FAT2: variants seen among roughly 807,000 people sequenced by gnomAD.
FAT2 encodes the protein protocadherin Fat 2.
A neutral mutation model predicts 295.3 loss-of-function variants in FAT2; 150 were observed. The observed-to-expected ratio is 0.51, with a 90% CI of 0.44 to 0.58. The LOEUF (loss-of-function observed/expected upper bound fraction) is 0.58, where lower values mean the gene tolerates loss of function less well. FAT2 is among the 20% of genes least tolerant of loss of function. The probability of loss-of-function intolerance (pLI) is 0.00; values close to 1 mark genes in which losing one functional copy is unlikely to be tolerated. For synonymous variants in FAT2, 2,026 were observed against 2,150.3 expected (o/e 0.94, Z 1.60); for missense variants, 4,868 against 5,442.7 (o/e 0.89, Z 3.32).
chr5:151,513,286 A>G (rs968846800), intron 20 of FAT2, among the ~76,000 whole-genome samples: 4 of 152,232 alleles, frequency 2.6e-5, no homozygotes, highest in Non-Finnish European at 4.4e-5. Context: ...ATATAAAGAC[A>G]TACACTCATA....
intron 12 of FAT2, among the ~76,000 whole-genome samples, chr5:151,537,321 GAAA>G (rs759472487): frequency 4.4e-5 from 1 of 22,534 alleles, no homozygotes; most frequent in Non-Finnish European, 7.5e-5. Context: ...AAAAGAAAGA[GAAA>G]AAAAGAAAGA....
chr5:151,549,582 C>T (rs907809397), intron 8 of FAT2, 77 bp from the exon 9 acceptor site: 5 of 1,225,538 alleles, frequency 4.1e-6, no homozygotes, highest in Admixed American at 3.8e-5. Context: ...GGTTAATGAA[C>T]TAGAATGCCA....
intron 1 of FAT2, among the ~76,000 whole-genome samples, chr5:151,569,723 C>T (rs1291052666): frequency 6.6e-6 from 1 of 152,206 alleles, no homozygotes; most frequent in African/African-American, 2.4e-5. Context: ...GAGATAGTCC[C>T]AACTCTTAGC....
intron 1 of FAT2, among the ~76,000 whole-genome samples, chr5:151,576,356 A>G (rs1436441344): frequency 6.6e-6 from 1 of 152,240 alleles, no homozygotes; most frequent in Non-Finnish European, 1.5e-5. Flanking sequence ...GGCCTCAACT[A>G]TTCGTGCATA....
intron 4 of FAT2, 82 bp downstream of exon 4, chr5:151,556,262 C>G (rs771156787): frequency 8.5e-7 from 1 of 1,182,456 alleles, no homozygotes; most frequent in African/African-American, 1.5e-5. Flanking sequence ...CCTCCTCAGC[C>G]ACAGTGCTAG....
At chr5:151,550,919 C>A (rs749659085) in intron 7 of FAT2, 48 bp from the exon 8 acceptor site, 1 of 1,583,284 alleles carries the variant, frequency 6.3e-7, no homozygotes, top group Non-Finnish European at 8.6e-7. Flanking sequence ...CCCAGGGGAA[C>A]AGGGACTGGG....
At chr5:151,556,966 A>G (rs1482761335) in intron 3 of FAT2, among the ~76,000 whole-genome samples, 1 of 152,178 alleles carries the variant, frequency 6.6e-6, no homozygotes, top group Non-Finnish European at 1.5e-5. Flanking sequence ...GAGCTGGGAG[A>G]GAACAGCAGA....
At chr5:151,559,278 A>C (rs1440273594) in intron 3 of FAT2, among the ~76,000 whole-genome samples, 1 of 152,268 alleles carries the variant, frequency 6.6e-6, no homozygotes, top group South Asian at 2.1e-4. Flanking sequence ...TTTGGCGTGC[A>C]AGGGATTGGA....
In FAT2 at chr5:151,566,819, AT is replaced by A; in HGVS notation, c.2112del (p.Tyr705IlefsTer33). ...SSDEEFTSLS[T>X]YQINHYTPQF... ...TGTGGGGTGTAATGATTAATCTGAT[AT>A]GTGCTTAAAGAAGTGAATTCCTCAT... On this transcript the variant is annotated frameshift_variant, in exon 2 of 24. Transcript: ENST00000261800. LOFTEE classifies it high-confidence loss of function. 6.2e-7 allele frequency: 1 copy of A among 1,614,190 alleles called. No homozygotes were observed. The highest frequency in any genetic ancestry group is 8.5e-7 in the Non-Finnish European group (1 of 1,180,026).
In FAT2 at chr5:151,568,161, A is replaced by T. The variant is rs371171712; in HGVS notation, c.771T>A (p.Ala257=). 6.2e-7 allele frequency: 1 copy of T among 1,614,032 alleles called. No individual in the cohort carries two copies. The highest frequency in any genetic ancestry group is 1.3e-5 in the African/African-American group (1 of 74,926). ...TGTCTGGTGGAGTCACCACCACCGA[A>T]GCAATGGCTGGGGGCTTCCTGAGGG... ...EPALRKPPAI[A]SVVVTPPDSN... The change falls in exon 2 of 24, where the codon GCT becomes GCA. Residue 257 remains alanine, a synonymous_variant. Coordinates refer to ENST00000261800, the MANE Select transcript of FAT2 (RefSeq NM_001447.3).
Position 151,527,985 on chromosome 5 carries a change from A to G in FAT2, c.10164+11T>C, listed in dbSNP as rs1754194209. On this transcript the variant is annotated intron_variant, in intron 16 of 23. Transcript: ENST00000261800. ...AATGAGCTCAGGGTGCGCCCCTCCCACATGACTCACCTGTTCCCGGTCCAG... is the reference window on the plus strand; with the variant it reads ...AATGAGCTCAGGGTGCGCCCCTCCCGCATGACTCACCTGTTCCCGGTCCAG... 1 of 1,613,464 alleles carries G rather than the reference A, an allele frequency of 6.2e-7. No homozygotes were observed. Among genetic ancestry groups the G allele is most frequent in the Non-Finnish European group, 8.5e-7 (1 of 1,179,842 alleles).
chr5:151,551,083 C>T (rs1211198828), intron 7 of FAT2, among the ~76,000 whole-genome samples: 1 of 152,150 alleles, frequency 6.6e-6, no homozygotes, highest in Non-Finnish European at 1.5e-5. Flanking sequence ...CAAAAATTTT[C>T]TGGAAGGGCC....
rs1469589444 is a variant in FAT2, at chr5:151,544,002, G to A, written c.7125C>T (p.Asn2375=). The A allele has an allele frequency of 2.5e-6, 4 of 1,614,062 alleles. No homozygotes were observed. In the South Asian group the frequency reaches 3.3e-5, roughly 13 times the overall value. The change falls in exon 10 of 24, where the codon AAC becomes AAT. Residue 2375 remains asparagine (N), a synonymous_variant. Transcript: ENST00000261800. ...VVVNVSDIND[N]PPEFRQPQYE... is the part of the protein sequence containing the mutation. ...ATTGAGGTTGTCTGAACTCTGGGGG[G>A]TTGTCATTGATATCAGACACATTGA... is the stretch of plus-strand genomic sequence containing the variant.
At chr5:151,547,321 C>G (rs1756738958) in intron 9 of FAT2, among the ~76,000 whole-genome samples, 1 of 152,202 alleles carries the variant, frequency 6.6e-6, no homozygotes, top group South Asian at 2.1e-4. Flanking sequence ...TAGAACCCAA[C>G]AGAGGCTTTG....
chr5:151,584,508 G>A (rs1759094514), intron 1 of FAT2, among the ~76,000 whole-genome samples: 1 of 152,190 alleles, frequency 6.6e-6, no homozygotes, highest in East Asian at 1.9e-4. Context: ...CCGCTAGCAA[G>A]TGGCCCGGTC....
Position 151,568,625 on chromosome 5 carries a change from T to C in FAT2, c.307A>G (p.Asn103Asp). 1 of 1,614,174 alleles carries C rather than the reference T, an allele frequency of 6.2e-7. No homozygotes were observed. Among genetic ancestry groups the C allele is most frequent in the Non-Finnish European group, 8.5e-7 (1 of 1,180,012 alleles). Residue 103 changes from asparagine (N) to aspartate (D), a missense_variant, in exon 2 of 24, where the codon AAC becomes GAC. Coordinates refer to ENST00000261800, the MANE Select transcript of FAT2 (RefSeq NM_001447.3). ...ACCTCTCTGTTCAGAAGAGCTGTGT[T>C]GCTGCTCTTTGTCCTTATTCTTAGG... The part of the protein sequence containing the change: ...CFLRIRTKSS[N>D]TALLNREVRD...
chr5:151,507,846 A>ATTAT lies in FAT2; in HGVS notation c.12060-239_12060-236dup, dbSNP rs1196867552. ...TGACCATTAGGATCTGGGAATGTCT[A>ATTAT]TTATTTTTCCAGCAATGAGATCTAG... On this transcript the variant is annotated intron_variant, in intron 22 of 23. Transcript: ENST00000261800. 2.0e-5 allele frequency among the ~76,000 whole-genome samples: 3 copies of ATTAT among 152,184 alleles called. No homozygotes were observed. In the East Asian group the frequency reaches 5.8e-4, roughly 29 times the overall value.
rs771807638 is a variant in FAT2 at position 151,543,038 on chromosome 5, T to C, written c.8089A>G (p.Thr2697Ala). ...SLPKFSEPLY[T>A]FSAPEDLPEG... ...GGAAGGTCTTCAGGTGCAGAGAAAG[T>C]ATACAAAGGTTCAGAAAATTTCGGT... is the stretch of plus-strand genomic sequence containing the variant. The change falls in exon 10 of 24, where the codon ACT (threonine) becomes GCT (alanine). Residue 2697 changes from threonine (T) to alanine (A), a missense_variant. Transcript: ENST00000261800. 3.1e-6 allele frequency: 5 copies of C among 1,614,166 alleles called. No individual in the cohort carries two copies. Among genetic ancestry groups the C allele is most frequent in the Non-Finnish European group, 2.5e-6 (3 of 1,180,022 alleles).
chr5:151,507,981 C>T (rs760630456), intron 22 of FAT2, among the ~76,000 whole-genome samples: 1 of 152,292 alleles, frequency 6.6e-6, no homozygotes, highest in Non-Finnish European at 1.5e-5. Flanking sequence ...GTCAGCATTG[C>T]CCAGTTATAG....
Sources: gnomAD v4.1 joint callset for allele counts (sites outside exome capture counted in the v4.1 genomes callset) on GRCh38, gnomAD v4.1.1 for gene constraint, MANE v1.5 for transcripts, NCBI Gene and HGNC (gene_info 2026-07-23, HGNC 2026-07-21) for gene names.